The following RASA3 variants were observed in gnomAD, a reference collection of about 807,000 sequenced individuals.
RASA3 encodes ras GTPase-activating protein 3.
Under a neutral mutation model 110.0 loss-of-function variants are expected in RASA3, and 73 were observed. The ratio of observed to expected loss-of-function variants is 0.66; its 90% CI spans 0.55 to 0.81. The LOEUF (loss-of-function observed/expected upper bound fraction) is 0.81, where lower values mean the gene tolerates loss of function less well. Ranked by LOEUF, RASA3 falls within the 30% of genes least tolerant of loss-of-function variation. The pLI is 0.00. For missense variants in RASA3, 976 were observed against 1,113.2 expected, an observed-to-expected ratio of 0.88 and a Z score of 1.75; for synonymous variants, 500 against 451.4, an observed-to-expected ratio of 1.11 and a Z score of -1.37.
At position 113,997,023 on chromosome 13, in the gene RASA3, A is replaced by AG. The variant is rs1464484200; in HGVS notation, c.1933-285dup. 2.0e-5 allele frequency among the ~76,000 whole-genome samples: 3 copies of AG among 152,234 alleles called. No homozygotes were observed. The East Asian group carries it at 5.8e-4, about 29-fold the overall frequency. The stretch of plus-strand genomic sequence containing the variant: ...CAGGTGGCCAGGAACAGCTTGGCCA[A>AG]GGCCCTTTATGTCCTGGAGCCTTGG... On this transcript the variant is annotated intron_variant, in intron 20 of 23. Transcript: ENST00000334062.
chr13:113,998,257 C>T (rs1566457006), intron 20 of RASA3, among the ~76,000 whole-genome samples: 1 of 151,730 alleles, frequency 6.6e-6, no homozygotes, highest in Non-Finnish European at 1.5e-5. Context: ...CTCTTCCCAT[C>T]TCCCCCTCTT....
chr13:114,010,868 G>A (rs2053623821), intron 16 of RASA3, among the ~76,000 whole-genome samples: 1 of 118,970 alleles, frequency 8.4e-6, no homozygotes, highest in African/African-American at 3.2e-5. Context: ...CGCCAGGTTA[G>A]GCCATCTGCC....
Position 114,024,361 on chromosome 13 carries a change from G to T in RASA3, c.604-6C>A, listed in dbSNP as rs373769176. On this transcript the variant is annotated splice_polypyrimidine_tract_variant and splice_region_variant and intron_variant, in intron 7 of 23. Transcript: ENST00000334062. ...TAGCTACAGGGCCGGGTCACCTGGA[G>T]TCAGACGAGAGAGAAAGCGCTGAGA... 22 of 1,613,490 alleles carry T rather than the reference G, an allele frequency of 1.4e-5. No homozygotes were observed. The highest frequency in any genetic ancestry group is 1.4e-5 in the Non-Finnish European group (17 of 1,179,640).
At position 114,048,313 on chromosome 13, in the gene RASA3, TC is replaced by T. The variant is rs2079086934; in HGVS notation, c.277+3738del. On this transcript the variant is annotated intron_variant, in intron 3 of 23. Coordinates refer to ENST00000334062, the MANE Select transcript of RASA3 (RefSeq NM_007368.4). This position sits in a 1 kb window ranked among gnomAD's most constrained non-coding sequence, Gnocchi z 4.3. The stretch of plus-strand genomic sequence containing the variant: ...CTGGGCGACAGAAAGAGACTCCGTC[TC>T]AAAAAAAAAAAAAAAGAAGAAGAAA... Among the ~76,000 whole-genome samples, 1 of 119,590 alleles carries T rather than the reference TC, an allele frequency of 8.4e-6. No individual in the cohort carries two copies. The allele number at this position is 119,590 out of a possible 152,430, so 78.5% of individuals were successfully genotyped here.
At position 114,109,259 on chromosome 13, in the gene RASA3, C is replaced by T. The variant is rs185633526; in HGVS notation, c.55+23176G>A. ...TCTTGCTTGGCACTTGTGTGAACGG[C>T]GACCACGTGAAGCCTCTGTCTTGAG... On this transcript the variant is annotated intron_variant, in intron 1 of 23. Coordinates refer to ENST00000334062, the MANE Select transcript of RASA3 (RefSeq NM_007368.4). Among the ~76,000 whole-genome samples the T allele has an allele frequency of 1.0e-3, 155 of 152,304 alleles. 1 individual carries two copies. In the East Asian group the frequency reaches 0.027, roughly 27 times the overall value.
At position 114,056,196 on chromosome 13, in the gene RASA3, G is replaced by C. The variant is rs183428219; in HGVS notation, c.174-4041C>G. Among the ~76,000 whole-genome samples, 1 of 152,356 alleles carries C rather than the reference G, an allele frequency of 6.6e-6. No individual in the cohort carries two copies. The highest frequency in any genetic ancestry group is 2.4e-5 in the African/African-American group (1 of 41,592). On this transcript the variant is annotated intron_variant, in intron 2 of 23. Transcript: ENST00000334062. The surrounding 1 kb of genome is among the most constrained non-coding windows in gnomAD (Gnocchi z 5.7). ...TCGGGCTGGATTGCATGTCTGATGT[G>C]TGTCCGATGAATGTCCAGTGCGTGT...
At chr13:114,015,138 C>T in intron 14 of RASA3, 71 bp downstream of exon 14, 3 of 1,584,850 alleles carry the variant, frequency 1.9e-6, no homozygotes, top group Non-Finnish European at 2.6e-6. Flanking sequence ...GGGGGTTCTG[C>T]CTGGGTGGGA....
intron 2 of RASA3, among the ~76,000 whole-genome samples, chr13:114,066,404 G>A (rs115236066): frequency 0.014 from 2,169 of 152,336 alleles, 57 homozygotes; most frequent in African/African-American, 0.05. Flanking sequence ...GCCGAGGAGC[G>A]GGAGGCGGCC....
intron 1 of RASA3, among the ~76,000 whole-genome samples, chr13:114,074,413 GTCC>G (rs957630364): frequency 1.1e-4 from 16 of 152,186 alleles, no homozygotes; most frequent in African/African-American, 3.9e-4. Flanking sequence ...CTCAGCAAAT[GTCC>G]TCCAGGGTGG....
chr13:114,069,464 T>TGGGAGACTTGGGGGCC (rs2079518265), intron 2 of RASA3, among the ~76,000 whole-genome samples: 1 of 14,806 alleles, frequency 6.8e-5, no homozygotes, highest in Admixed American at 8.8e-4. Context: ...CTTGGGGGGC[T>TGGGAGACTTGGGGGCC]GGGAGACTCG....
chr13:113,993,794 C>T (rs1227600595), intron 21 of RASA3, among the ~76,000 whole-genome samples: 12 of 117,748 alleles, frequency 1.0e-4, no homozygotes, highest in East Asian at 4.9e-4. Flanking sequence ...GGCAACAGAG[C>T]GAGACTCTGC....
chr13:113,979,496 T>C (rs901774811), intron 23 of RASA3, 74 bp from the exon 24 acceptor site: 7 of 1,227,740 alleles, frequency 5.7e-6, no homozygotes, highest in Non-Finnish European at 7.2e-6. Flanking sequence ...TGCGGGAGCT[T>C]TTCCTGTTCC....
chr13:114,071,959 C>A (rs58542592), intron 2 of RASA3, among the ~76,000 whole-genome samples: 33 of 152,322 alleles, frequency 2.2e-4, no homozygotes, highest in African/African-American at 7.7e-4. Context: ...TCAAAGCACA[C>A]GACCCATGCT....
chr13:114,097,368 C>A (rs1423089622), intron 1 of RASA3, among the ~76,000 whole-genome samples: 2 of 152,232 alleles, frequency 1.3e-5, no homozygotes, highest in Non-Finnish European at 2.9e-5. Flanking sequence ...GTGTGCATCC[C>A]CACAGGGCGC....
intron 1 of RASA3, among the ~76,000 whole-genome samples, chr13:114,074,722 G>A (rs2079638419): frequency 6.6e-6 from 1 of 152,206 alleles, no homozygotes; most frequent in Non-Finnish European, 1.5e-5. Context: ...CCACCTGGAC[G>A]TGCTTGAAGG....
intron 2 of RASA3, among the ~76,000 whole-genome samples, chr13:114,072,361 G>A (rs1472895225): frequency 6.6e-6 from 1 of 152,204 alleles, no homozygotes; most frequent in African/African-American, 2.4e-5. Flanking sequence ...CGCTCAAGTT[G>A]AGGGGGAAAC....
rs531236882 is a variant in RASA3, at chr13:114,087,321, T to C, written c.56-13484A>G. On this transcript the variant is annotated intron_variant, in intron 1 of 23. Coordinates refer to ENST00000334062, the MANE Select transcript of RASA3 (RefSeq NM_007368.4). ...TTGGAGTATCGATTCCCTTCGTCCT[T>C]GTGGGGAAATCACGGGGAAGTGGTG... is the stretch of plus-strand genomic sequence containing the variant. Among the ~76,000 whole-genome samples the C allele has an allele frequency of 1.9e-4, 29 of 151,368 alleles. 1 individual carries two copies. Among genetic ancestry groups the C allele is most frequent in the South Asian group, 6.3e-4 (3 of 4,762 alleles).
intron 4 of RASA3, among the ~76,000 whole-genome samples, chr13:114,030,825 G>C (rs917065854): frequency 6.6e-6 from 1 of 151,992 alleles, no homozygotes; most frequent in Non-Finnish European, 1.5e-5. Flanking sequence ...CTGTGCATCT[G>C]GCTGTGTGTG....
rs953311871 is a variant in RASA3, at chr13:113,978,821, G to A, written c.*526C>T. 1 of 153,846 alleles carries A rather than the reference G, an allele frequency of 6.5e-6. No homozygotes were observed. Among genetic ancestry groups the A allele is most frequent in the Non-Finnish European group, 1.4e-5 (1 of 69,068 alleles). 9.5% of individuals were successfully genotyped at this position (153,846 alleles called of 1,614,324 possible). A position where few individuals can be genotyped will look rare whatever the true frequency, so the allele number is the denominator to read the frequency against. On this transcript the variant is annotated 3_prime_UTR_variant, in exon 24 of 24. Transcript: ENST00000334062. ...GGGAGGCCGCCTCCCATGGCTGCCT[G>A]GATGGCAGGCACAGTGGGAGAGTAA... is the stretch of plus-strand genomic sequence containing the variant.
Sources: allele counts gnomAD v4.1 joint callset (sites outside exome capture counted in the v4.1 genomes callset), GRCh38; gene constraint gnomAD v4.1.1; non-coding constraint Gnocchi (gnomAD v3.1); transcripts MANE v1.5; gene names NCBI Gene and HGNC (gene_info 2026-07-23, HGNC 2026-07-21).